ATAD3B: variants seen among roughly 807,000 people sequenced by gnomAD.
The protein encoded by ATAD3B is ATPase family AAA domain-containing protein 3B.
ATAD3B carries 59 observed loss-of-function variants against 70.2 expected under a neutral mutation model. That is an observed-to-expected ratio of 0.84 (90% CI 0.68 to 1.04). ATAD3B has a LOEUF of 1.04. Among genes scored for constraint, ATAD3B ranks in the 50% least tolerant of loss-of-function variants. ATAD3B has a pLI of 0.00. For synonymous variants in ATAD3B, 423 were observed against 388.6 expected (o/e 1.09, Z -1.04); for missense variants, 961 against 913.4 (o/e 1.05, Z -0.67).
chr1:1,491,666 G>T (rs769703348), intron 15 of ATAD3B, among the ~76,000 whole-genome samples: 5 of 152,012 alleles, frequency 3.3e-5, no homozygotes, highest in Non-Finnish European at 7.4e-5. Context: ...CTGGTCACTC[G>T]ATCTAGCAGC....
At position 1,490,316 on chromosome 1, in the gene ATAD3B, G is replaced by GC. The variant is rs1169832623; in HGVS notation, c.1398dup (p.Ile467HisfsTer2). On this transcript the variant is annotated frameshift_variant, in exon 14 of 16. Transcript: ENST00000673477. LOFTEE classifies it high-confidence loss of function. The stretch of plus-strand genomic sequence containing the variant: ...CAGTTCGACTGTGCCATCAACAGCC[G>GC]CATTGACGTGATGGTCCACTTCGAC... The GC allele has an allele frequency of 4.3e-6, 7 of 1,613,132 alleles. No individual in the cohort carries two copies. The highest frequency in any genetic ancestry group is 4.2e-6 in the Non-Finnish European group (5 of 1,179,698).
the ATAD3B span, chr1:1,509,321 TG>T: frequency 6.2e-7 from 1 of 1,612,260 alleles, no homozygotes; most frequent in Non-Finnish European, 8.5e-7. Flanking sequence ...GGGGGAGGCC[TG>T]GGCCCGAGGA....
chr1:1,482,925 C>G, intron 7 of ATAD3B: 1 of 511,086 alleles, frequency 2.0e-6, no homozygotes, highest in Non-Finnish European at 3.8e-6. Flanking sequence ...CACTTAAGCC[C>G]AGGAGGTTTG....
In ATAD3B at chr1:1,492,338, T is replaced by C. The variant is rs1278809983; in HGVS notation, c.1614+1667T>C. 5.3e-5 allele frequency among the ~76,000 whole-genome samples: 8 copies of C among 150,298 alleles called. No individual in the cohort carries two copies. In the East Asian group the frequency reaches 1.6e-3, roughly 30 times the overall value. On this transcript the variant is annotated intron_variant, in intron 15 of 15. Transcript: ENST00000673477. ...CCACCTCTACAAAAAATACGAAAAT[T>C]AGCTGGGTGTGGTGGTGGGTGCCTG...
In ATAD3B at chr1:1,490,409, C is replaced by A; in HGVS notation, c.1490C>A (p.Ala497Asp). 1.9e-6 allele frequency: 3 copies of A among 1,613,410 alleles called. No homozygotes were observed. The highest frequency in any genetic ancestry group is 1.7e-6 in the Non-Finnish European group (2 of 1,179,684). The change falls in exon 14 of 16, where the codon GCC becomes GAC. Residue 497 changes from alanine (A) to aspartate (D), a missense_variant. Ala to Asp is a moderately radical substitution (Grantham distance 126). Around this residue, in one of 4 missense-constraint regions of ATAD3B, gnomAD observed 417 missense variants for 335.0 expected, o/e 1.24. Coordinates refer to ENST00000673477, the MANE Select transcript of ATAD3B (RefSeq NM_031921.6). ...LHFDNCVLKP[A>D]TEGKRRLKLA... Reference sequence around the variant, plus strand: ...TTTGACAACTGTGTTCTTAAGCCGGCCACAGAAGGAAAACGGTGAGTGTCC... The same window carrying A: ...TTTGACAACTGTGTTCTTAAGCCGGACACAGAAGGAAAACGGTGAGTGTCC...
the ATAD3B span, among the ~76,000 whole-genome samples, chr1:1,507,878 G>A: frequency 5.3e-5 from 8 of 152,330 alleles, no homozygotes; most frequent in Non-Finnish European, 1.0e-4. Flanking sequence ...GAGAGCTCCC[G>A]GGCCTGGGGC....
Position 1,490,648 on chromosome 1 carries a change from G to A in ATAD3B, c.1591G>A (p.Ala531Thr), listed in dbSNP as rs1004977423. The A allele has an allele frequency of 5.0e-6, 8 of 1,599,258 alleles. No individual in the cohort carries two copies. Among genetic ancestry groups the A allele is most frequent in the African/African-American group, 1.3e-5 (1 of 74,836 alleles). Residue 531 changes from alanine (A) to threonine (T), a missense_variant, in exon 15 of 16, where the codon GCT (alanine) becomes ACT (threonine). Ala to Thr is a moderately conservative substitution (Grantham distance 58). This residue lies in a region of ATAD3B where 417 missense variants were observed against 335.0 expected (regional missense o/e 1.24). Coordinates refer to ENST00000673477, the MANE Select transcript of ATAD3B (RefSeq NM_031921.6). ...LTEGMSGREI[A>T]QLAVSWQATA... ...GGAGGGCATGTCGGGCCGGGAGATC[G>A]CTCAGCTGGCCGTGTCCTGGCAGGT...
In ATAD3B at chr1:1,485,157, C is replaced by T. The variant is rs147884966; in HGVS notation, c.892C>T (p.Arg298Trp). 276 of 1,610,340 alleles carry T rather than the reference C, an allele frequency of 1.7e-4. 3 individuals are homozygous for T. The highest frequency in any genetic ancestry group is 1.2e-3 in the South Asian group (110 of 90,820). Residue 298 changes from arginine to tryptophan, a missense_variant, in exon 8 of 16, where the codon CGG becomes TGG. By Grantham distance (101) the Arg-to-Trp change is moderately radical. Coordinates refer to ENST00000673477, the MANE Select transcript of ATAD3B (RefSeq NM_031921.6). Reference protein sequence around the residue: ...TSRITVLEALRHPIQVSRRLL... With the variant: ...TSRITVLEALWHPIQVSRRLL... ...CCGCATCACGGTGCTGGAGGCGCTG[C>T]GGCACCCCATCCAGGTAGCGGCGCA...
chr1:1,481,650 G>A (rs1178797351), intron 5 of ATAD3B, among the ~76,000 whole-genome samples: 3 of 134,756 alleles, frequency 2.2e-5, no homozygotes, highest in African/African-American at 5.8e-5. Context: ...CACGTCACGC[G>A]TGTCTGAGTT....
chr1:1,483,155 T>G (rs1195020304), intron 7 of ATAD3B: 6 of 398,682 alleles, frequency 1.5e-5, no homozygotes, highest in Admixed American at 3.0e-5. Flanking sequence ...AGAAAAGAAT[T>G]AGCTGGGTGT....
chr1:1,492,297 G>A (rs1640578539), intron 15 of ATAD3B, among the ~76,000 whole-genome samples: 1 of 151,806 alleles, frequency 6.6e-6, no homozygotes. Context: ...GACCACCCTG[G>A]CCAACATGAT....
At chr1:1,489,298 A>T in intron 13 of ATAD3B, 24 bp downstream of exon 13, 1 of 1,613,098 alleles carries the variant, frequency 6.2e-7, no homozygotes. Context: ...TCGGGTCCTG[A>T]GCCCCCGGGC....
At chr1:1,504,707 A>G in the ATAD3B span, among the ~76,000 whole-genome samples, 1 of 151,636 alleles carries the variant, frequency 6.6e-6, no homozygotes, top group Admixed American at 6.6e-5. Context: ...GCCTGCCATA[A>G]CCACTGGGGC....
the ATAD3B span, chr1:1,503,765 G>C: frequency 2.0e-6 from 3 of 1,512,098 alleles, no homozygotes; most frequent in Admixed American, 5.7e-5. Flanking sequence ...GCATGTACAT[G>C]GGCAGCAGTG....
intron 7 of ATAD3B, chr1:1,483,244 G>A (rs1640020150): frequency 2.9e-6 from 1 of 346,262 alleles, no homozygotes; most frequent in Non-Finnish European, 5.7e-6. Context: ...GCAATGAGTC[G>A]AGATCCCGCC....
intron 2 of ATAD3B, among the ~76,000 whole-genome samples, 189 bp downstream of exon 2, chr1:1,477,539 G>T (rs1014392841): frequency 3.3e-5 from 5 of 151,858 alleles, no homozygotes; most frequent in African/African-American, 9.7e-5. Context: ...CCGCAGAGCC[G>T]CCCGAGAGGG....
chr1:1,478,245 C>T (rs545807612), intron 2 of ATAD3B: 4 of 567,206 alleles, frequency 7.1e-6, no homozygotes, highest in East Asian at 3.5e-5. Flanking sequence ...GATCCAGCCA[C>T]TTTGGCCTCA....
At position 1,482,606 on chromosome 1, in the gene ATAD3B, A is replaced by T. The variant is rs770442444; in HGVS notation, c.742A>T (p.Thr248Ser). 5.6e-6 allele frequency: 9 copies of T among 1,613,240 alleles called. No homozygotes were observed. Among genetic ancestry groups the T allele is most frequent in the Non-Finnish European group, 7.6e-6 (9 of 1,179,558 alleles). Reference sequence around the variant, plus strand: ...CTTTGTGACAGACCGGGACAAAGTGACAGCCACGGTAAACATATTCATAAA... The same window carrying T: ...CTTTGTGACAGACCGGGACAAAGTGTCAGCCACGGTAAACATATTCATAAA... ...RAFVTDRDKV[T>S]ATVAGLTLLA... is the part of the protein sequence containing the mutation. The change falls in exon 7 of 16, where the codon ACA becomes TCA. Residue 248 changes from threonine (T) to serine (S), a missense_variant. Transcript: ENST00000673477.
At chr1:1,487,717 C>G (rs1029055659) in intron 11 of ATAD3B, 146 bp from the exon 12 acceptor site, 8 of 1,015,394 alleles carry the variant, frequency 7.9e-6, no homozygotes, top group African/African-American at 4.7e-5. Flanking sequence ...CGGCTTCTGT[C>G]GAGTCCAGGA....
Sources: allele counts gnomAD v4.1 joint callset (sites outside exome capture counted in the v4.1 genomes callset), GRCh38; gene constraint gnomAD v4.1.1; regional missense constraint gnomAD v4.1.1; transcripts MANE v1.5; gene names NCBI Gene and HGNC (gene_info 2026-07-23, HGNC 2026-07-21).